KIF26A: variants seen among roughly 807,000 people sequenced by gnomAD.
KIF26A encodes kinesin family member 26A, also known as kinesin-like protein KIF26A.
Under a neutral mutation model 126.0 loss-of-function variants are expected in KIF26A, and 74 were observed. The observed-to-expected ratio is 0.59, with a 90% CI of 0.49 to 0.71. The LOEUF (loss-of-function observed/expected upper bound fraction) is 0.71, where lower values mean the gene tolerates loss of function less well. KIF26A is among the 30% of genes least tolerant of loss of function. The pLI is 0.00. For missense variants in KIF26A, 2,984 were observed against 2,763.3 expected, an observed-to-expected ratio of 1.08 and a Z score of -1.79; for synonymous variants, 1,445 against 1,232.7, an observed-to-expected ratio of 1.17 and a Z score of -3.61.
At chr14:104,166,728 A>G (rs2037907348) in intron 4 of KIF26A, 131 bp from the exon 5 acceptor site, 1 of 894,444 alleles carries the variant, frequency 1.1e-6, no homozygotes, top group Non-Finnish European at 1.7e-6. Flanking sequence ...TCCCAGCCAC[A>G]TTTTGGACTG....
At position 104,173,787 on chromosome 14, in the gene KIF26A, G is replaced by C; in HGVS notation, c.1949G>C (p.Gly650Ala). Residue 650 changes from glycine to alanine, a missense_variant, in exon 10 of 15, where the codon GGG becomes GCG. Transcript: ENST00000423312. ...AAAGRAGEAA[G>A]GPLCLSLSAL... ...GCTGGCAGGGCCGGGGAGGCTGCTG[G>C]GGGTCCCCTGTGTCTGTCCCTGTCG... The C allele has an allele frequency of 6.2e-7, 1 of 1,607,010 alleles. No individual in the cohort carries two copies. Among genetic ancestry groups the C allele is most frequent in the Non-Finnish European group, 8.5e-7 (1 of 1,179,472 alleles).
rs1031495076 is a variant in KIF26A at position 104,179,988 on chromosome 14, C to T, written c.*198C>T. The stretch of plus-strand genomic sequence containing the variant: ...GACAGAGCGAGGGTGCCAGGGTGAC[C>T]AGAAGACCGTCACCACCCGACAGCA... On this transcript the variant is annotated 3_prime_UTR_variant, in exon 15 of 15. Coordinates refer to ENST00000423312, the MANE Select transcript of KIF26A (RefSeq NM_015656.2). 5 of 542,436 alleles carry T rather than the reference C, an allele frequency of 9.2e-6. No individual in the cohort carries two copies. In the Admixed American group the frequency reaches 1.1e-4, roughly 12 times the overall value. The allele number at this position is 542,436 out of a possible 1,614,324, so 33.6% of individuals were successfully genotyped here. A position where few individuals can be genotyped will look rare whatever the true frequency, so the allele number is the denominator to read the frequency against.
In KIF26A at chr14:104,161,359, G is replaced by C. The variant is rs115238841; in HGVS notation, c.923+3417G>C. Among the ~76,000 whole-genome samples, 1,249 of 152,310 alleles carry C rather than the reference G, an allele frequency of 8.2e-3. 12 individuals are homozygous for C. The highest frequency in any genetic ancestry group is 0.027 in the African/African-American group (1,115 of 41,566). ...CACCAGCCTCGCACGGCCCAGTGTG[G>C]AAGCTCTGGGTTGGCCATAAGTGAT... On this transcript the variant is annotated intron_variant, in intron 4 of 14. Coordinates refer to ENST00000423312, the MANE Select transcript of KIF26A (RefSeq NM_015656.2).
At position 104,175,569 on chromosome 14, in the gene KIF26A, C is replaced by G. The variant is rs746982279; in HGVS notation, c.2781C>G (p.Ser927Arg). 2.5e-6 allele frequency: 4 copies of G among 1,606,808 alleles called. No homozygotes were observed. The highest frequency in any genetic ancestry group is 3.4e-6 in the Non-Finnish European group (4 of 1,179,372). The change falls in exon 12 of 15, where the codon AGC (serine) becomes AGG (arginine). Residue 927 changes from serine to arginine, a missense_variant. Ser to Arg is a moderately radical substitution (Grantham distance 110). Transcript: ENST00000423312. ...TCTGGGGTGACCAGAGAGAGGACAG[C>G]AGCGCTTGGCCTGAGCTGCTGGTCC... ...AIVWGDQREDSSAWPELLVPE... is the reference protein window; with the variant it reads ...AIVWGDQREDRSAWPELLVPE...
chr14:104,142,878 G>A (rs2037649526), intron 2 of KIF26A, among the ~76,000 whole-genome samples: 1 of 152,178 alleles, frequency 6.6e-6, no homozygotes, highest in Non-Finnish European at 1.5e-5. Flanking sequence ...CTTGCTGGTG[G>A]TCACCCCCGG....
At position 104,175,852 on chromosome 14, in the gene KIF26A, C is replaced by T; in HGVS notation, c.3064C>T (p.Arg1022Trp). 3.9e-6 allele frequency: 6 copies of T among 1,539,062 alleles called. No individual in the cohort carries two copies. The highest frequency in any genetic ancestry group is 2.4e-5 in the South Asian group (2 of 84,162). Residue 1022 changes from arginine (R) to tryptophan (W), a missense_variant, in exon 12 of 15, where the codon CGG becomes TGG. By Grantham distance (101) the Arg-to-Trp change is moderately radical. Coordinates refer to ENST00000423312, the MANE Select transcript of KIF26A (RefSeq NM_015656.2). Reference sequence around the variant, plus strand: ...GCTCACCACCACAGTGACCCTGCAGCGGCCAGTGGAGCTCAACGGCGAGGA... The same window carrying T: ...GCTCACCACCACAGTGACCCTGCAGTGGCCAGTGGAGCTCAACGGCGAGGA... The part of the protein sequence containing the change: ...GLLTTTVTLQ[R>W]PVELNGEDEL...
Position 104,171,761 on chromosome 14 carries a change from C to A in KIF26A, c.1152C>A (p.Ala384=), listed in dbSNP as rs1401972456. The stretch of plus-strand genomic sequence containing the variant: ...TGCGGATCTGGCCCGCACAGGGGGC[C>A]CAGCGCTCGGCCGAGGCCATGTCCT... ...VMLRIWPAQG[A]QRSAEAMSFL... is the part of the protein sequence containing the mutation. The change falls in exon 6 of 15, where the codon GCC becomes GCA. Residue 384 remains alanine (A), a synonymous_variant. Coordinates refer to ENST00000423312, the MANE Select transcript of KIF26A (RefSeq NM_015656.2). The A allele has an allele frequency of 6.3e-7, 1 of 1,580,930 alleles. No homozygotes were observed. The highest frequency in any genetic ancestry group is 8.6e-7 in the Non-Finnish European group (1 of 1,164,680).
intron 4 of KIF26A, among the ~76,000 whole-genome samples, chr14:104,166,156 G>A (rs36012158): frequency 1.3e-5 from 2 of 150,078 alleles, no homozygotes; most frequent in Non-Finnish European, 3.0e-5. Flanking sequence ...GCACTTCCCA[G>A]CAGCCCTGAG....
chr14:104,142,909 G>A (rs1324198199), intron 2 of KIF26A, among the ~76,000 whole-genome samples: 1 of 152,170 alleles, frequency 6.6e-6, no homozygotes, highest in African/African-American at 2.4e-5. Flanking sequence ...GCTGGATTCC[G>A]GCTATCCGCC....
chr14:104,172,671 A>G lies in KIF26A; in HGVS notation c.1420+3A>G, dbSNP rs370370498. 1.2e-4 allele frequency: 186 copies of G among 1,608,538 alleles called. No individual in the cohort carries two copies. Among genetic ancestry groups the G allele is most frequent in the African/African-American group, 1.6e-4 (12 of 74,722 alleles). ...TTCCTTTGGCCACATGAGCCTGGGTAAGCACCCTTGCCCCACCCTAGATGG... is the reference window on the plus strand; with the variant it reads ...TTCCTTTGGCCACATGAGCCTGGGTGAGCACCCTTGCCCCACCCTAGATGG... On this transcript the variant is annotated splice_donor_region_variant and intron_variant, in intron 7 of 14. Coordinates refer to ENST00000423312, the MANE Select transcript of KIF26A (RefSeq NM_015656.2).
intron 3 of KIF26A, among the ~76,000 whole-genome samples, chr14:104,153,473 T>C (rs12893682): frequency 0.017 from 1,195 of 69,860 alleles, 15 homozygotes; most frequent in Middle Eastern, 0.024. Context: ...GCCCCAGAGC[T>C]GAACCCCACC....
In KIF26A at chr14:104,171,902, C is replaced by T. The variant is rs1407030097; in HGVS notation, c.1293C>T (p.Ala431=). The T allele has an allele frequency of 1.3e-6, 2 of 1,557,864 alleles. No homozygotes were observed. Among genetic ancestry groups the T allele is most frequent in the Non-Finnish European group, 8.7e-7 (1 of 1,151,792 alleles). ...CTGCTGCAGTTCCCAAGATGTTTGC[C>T]TTCGATGCCGTCTTCCCCCAGGACT... ...AATAAVPKMF[A]FDAVFPQDSE... is the part of the protein sequence containing the mutation. The change falls in exon 6 of 15, where the codon GCC becomes GCT. Residue 431 remains alanine (A), a synonymous_variant. Coordinates refer to ENST00000423312, the MANE Select transcript of KIF26A (RefSeq NM_015656.2).
rs770227998 is a variant in KIF26A at position 104,176,504 on chromosome 14, T to C, written c.3716T>C (p.Phe1239Ser). Residue 1239 changes from phenylalanine to serine, a missense_variant, in exon 12 of 15, where the codon TTT becomes TCT. Transcript: ENST00000423312. Reference sequence around the variant, plus strand: ...AGCCCACCTGGCCGTGGAGGCCTGTTTGAGGACCCATGGCTGCTCCGGGTA... The same window carrying C: ...AGCCCACCTGGCCGTGGAGGCCTGTCTGAGGACCCATGGCTGCTCCGGGTA... ...GQSPPGRGGL[F>S]EDPWLLRVGE... 1.2e-6 allele frequency: 2 copies of C among 1,605,608 alleles called. No homozygotes were observed. Among genetic ancestry groups the C allele is most frequent in the Non-Finnish European group, 1.7e-6 (2 of 1,179,658 alleles).
In KIF26A at chr14:104,178,105, C is replaced by A. The variant is rs375537570; in HGVS notation, c.5110+207C>A. Among the ~76,000 whole-genome samples the A allele has an allele frequency of 5.3e-5, 8 of 152,332 alleles. 1 individual carries two copies. Among genetic ancestry groups the A allele is most frequent in the African/African-American group, 1.9e-4 (8 of 41,582 alleles). On this transcript the variant is annotated intron_variant, in intron 12 of 14. Transcript: ENST00000423312. ...GCACGGCCCTCTGCAGTTTATAAACCCCCTGTACTTGCCCTTCTCTGGCCC... is the reference window on the plus strand; with the variant it reads ...GCACGGCCCTCTGCAGTTTATAAACACCCTGTACTTGCCCTTCTCTGGCCC...
chr14:104,177,616 C>A lies in KIF26A; in HGVS notation c.4828C>A (p.Pro1610Thr). Residue 1610 changes from proline to threonine, a missense_variant, in exon 12 of 15, where the codon CCC becomes ACC. Physicochemically the swap from Pro to Thr is conservative, Grantham distance 38 (BLOSUM62 -1). Transcript: ENST00000423312. ...GCGGCCACCCACGGGCCCGGCCCTG[C>A]CCTCCCCCTACAGCAAGGTGACCGC... is the stretch of plus-strand genomic sequence containing the variant. ...EERPPTGPALPSPYSKVTAPR... is the reference protein window; with the variant it reads ...EERPPTGPALTSPYSKVTAPR... The A allele has an allele frequency of 6.5e-7, 1 of 1,527,514 alleles. No homozygotes were observed. The highest frequency in any genetic ancestry group is 8.8e-7 in the Non-Finnish European group (1 of 1,142,006). The allele number at this position is 1,527,514 out of a possible 1,614,324, so 94.6% of individuals were successfully genotyped here. A position where few individuals can be genotyped will look rare whatever the true frequency, so the allele number is the denominator to read the frequency against.
rs530980782 is a variant in KIF26A at position 104,146,833 on chromosome 14, CGGGGCA to C, written c.289-5179_289-5174del. Among the ~76,000 whole-genome samples, 50 of 152,230 alleles carry C rather than the reference CGGGGCA, an allele frequency of 3.3e-4. No individual in the cohort carries two copies. In the South Asian group the frequency reaches 7.3e-3, roughly 22 times the overall value. On this transcript the variant is annotated intron_variant, in intron 2 of 14. Coordinates refer to ENST00000423312, the MANE Select transcript of KIF26A (RefSeq NM_015656.2). ...GCTGGAGCTCACGTGGAGACCGCCA[CGGGGCA>C]GGCCAGGTGACAGGAGGCGGGCGCT...
intron 4 of KIF26A, among the ~76,000 whole-genome samples, chr14:104,158,465 G>A (rs117891108): frequency 0.037 from 5,643 of 152,316 alleles, 127 homozygotes; most frequent in South Asian, 0.044. Context: ...ACAAGGGGAG[G>A]GGCAGCAGGG....
In KIF26A at chr14:104,179,348, G is replaced by T. The variant is rs552936960; in HGVS notation, c.5429G>T (p.Gly1810Val). The T allele has an allele frequency of 1.9e-6, 3 of 1,538,552 alleles. No homozygotes were observed. The highest frequency in any genetic ancestry group is 2.4e-5 in the South Asian group (2 of 83,432). Residue 1810 changes from glycine (G) to valine (V), a missense_variant, in exon 14 of 15, where the codon GGC becomes GTC. Gly to Val is a moderately radical substitution (Grantham distance 109). Coordinates refer to ENST00000423312, the MANE Select transcript of KIF26A (RefSeq NM_015656.2). The stretch of plus-strand genomic sequence containing the variant: ...TGTGAGGAGCTGGCCGAGACCCAGG[G>T]CCGGCTGATGCTGGAGCCTGGCCGC... ...HLCEELAETQ[G>V]RLMLEPGRWL...
rs2141122892 is a variant in KIF26A at position 104,179,305 on chromosome 14, G to A, written c.5386G>A (p.Ala1796Thr). 1 of 1,538,708 alleles carries A rather than the reference G, an allele frequency of 6.5e-7. No individual in the cohort carries two copies. ...RRQQRLREVQ[A>T]KHKHLCEELA... ...GCAGCAGCGGCTGCGGGAGGTGCAG[G>A]CCAAGCACAAGCACCTGTGTGAGGA... Residue 1796 changes from alanine to threonine, a missense_variant, in exon 14 of 15, where the codon GCC (alanine) becomes ACC (threonine). Physicochemically the swap from Ala to Thr is moderately conservative, Grantham distance 58. Coordinates refer to ENST00000423312, the MANE Select transcript of KIF26A (RefSeq NM_015656.2).
Sources: allele counts gnomAD v4.1 joint callset (sites outside exome capture counted in the v4.1 genomes callset), GRCh38; gene constraint gnomAD v4.1.1; transcripts MANE v1.5; gene names NCBI Gene and HGNC (gene_info 2026-07-23, HGNC 2026-07-21).